The following ROCK1 variants were observed in gnomAD, a reference collection of about 807,000 sequenced individuals.
The protein encoded by ROCK1 is rho-associated protein kinase 1.
Under a neutral mutation model 196.8 loss-of-function variants are expected in ROCK1, and 36 were observed. The observed-to-expected ratio is 0.18, with a 90% CI of 0.14 to 0.24. The LOEUF (loss-of-function observed/expected upper bound fraction) is 0.24, where lower values mean the gene tolerates loss of function less well. ROCK1 is among the 10% of genes least tolerant of loss of function. The pLI is 1.00. For missense variants in ROCK1, 920 were observed against 1,562.0 expected (o/e 0.59, Z 6.93); for synonymous variants, 443 against 515.9 (o/e 0.86, Z 1.91).
chr18:21,075,785 T>A (rs1164588242), intron 1 of ROCK1, among the ~76,000 whole-genome samples: 1 of 151,634 alleles, frequency 6.6e-6, no homozygotes, highest in Non-Finnish European at 1.5e-5. Flanking sequence ...AAACCCCTTC[T>A]TTACTAAAAT....
chr18:21,034,324 G>A (rs1212112697), intron 9 of ROCK1, among the ~76,000 whole-genome samples: 3 of 152,138 alleles, frequency 2.0e-5, no homozygotes, highest in African/African-American at 7.2e-5. Flanking sequence ...GAAATCTCAT[G>A]AGATCCCAAA....
At chr18:21,043,985 A>G (rs563987990) in intron 6 of ROCK1, 117 bp downstream of exon 6, 2 of 619,214 alleles carry the variant, frequency 3.2e-6, no homozygotes, top group African/African-American at 3.7e-5. Context: ...AATTCTGGAC[A>G]AGTCCAGCTA....
At chr18:20,971,607 T>A (rs1406323710) in intron 22 of ROCK1, among the ~76,000 whole-genome samples, 1 of 151,224 alleles carries the variant, frequency 6.6e-6, no homozygotes, top group Non-Finnish European at 1.5e-5. Context: ...TGTGGTGGTG[T>A]GTGCCTGTAA....
chr18:21,011,105 T>C (rs2035813227), intron 13 of ROCK1, among the ~76,000 whole-genome samples: 1 of 152,194 alleles, frequency 6.6e-6, no homozygotes, highest in Non-Finnish European at 1.5e-5. Flanking sequence ...ATGGGGGATT[T>C]AAAAAAATCT....
chr18:20,984,447 T>C lies in ROCK1; in HGVS notation c.2393A>G (p.Asp798Gly). ...NELKTQAFEADNLKGLEKQMK... is the reference protein window; with the variant it reads ...NELKTQAFEAGNLKGLEKQMK... ...CTGCTTTTCTAAACCTTTTAAATTG[T>C]CTGCCTCAAATGCTTGAGTCTTCAA... Residue 798 changes from aspartate (D) to glycine (G), a missense_variant, in exon 20 of 33, where the codon GAC becomes GGC. By Grantham distance (94) the Asp-to-Gly change is moderately conservative. Transcript: ENST00000399799. The C allele has an allele frequency of 6.2e-7, 1 of 1,613,316 alleles. No homozygotes were observed. The highest frequency in any genetic ancestry group is 8.5e-7 in the Non-Finnish European group (1 of 1,179,622).
chr18:20,992,568 G>GT (rs761413550), intron 17 of ROCK1, among the ~76,000 whole-genome samples: 3 of 152,054 alleles, frequency 2.0e-5, no homozygotes, highest in Non-Finnish European at 4.4e-5. Flanking sequence ...TTATAAAAAG[G>GT]TATTTCCAAA....
intron 22 of ROCK1, among the ~76,000 whole-genome samples, chr18:20,976,517 T>C (rs915518849): frequency 2.0e-5 from 3 of 152,184 alleles, no homozygotes; most frequent in South Asian, 2.1e-4. Context: ...TGGCTGGAAC[T>C]GAGAAGGCGA....
chr18:21,105,374 C>T (rs1446049426), intron 1 of ROCK1, among the ~76,000 whole-genome samples: 1 of 152,050 alleles, frequency 6.6e-6, no homozygotes, highest in African/African-American at 2.4e-5. Context: ...TCCAAACTAA[C>T]CAGATATGCA....
intron 3 of ROCK1, 40 bp from the exon 4 acceptor site, chr18:21,049,269 A>G (rs778476065): frequency 6.9e-7 from 1 of 1,450,252 alleles, no homozygotes; most frequent in Non-Finnish European, 9.2e-7. Flanking sequence ...CCTTTTGTTA[A>G]CATTTAAAGC....
In ROCK1 at chr18:20,966,982, T is replaced by C; in HGVS notation, c.3287A>G (p.Asp1096Gly). Reference sequence around the variant, plus strand: ...AGCAACACTTGTAGAATCCGAGAGGTCCAAAAGTTTAGCACGCAATTGCTC... The same window carrying C: ...AGCAACACTTGTAGAATCCGAGAGGCCCAAAAGTTTAGCACGCAATTGCTC... ...DIEQLRAKLL[D>G]LSDSTSVASF... The change falls in exon 27 of 33, where the codon GAC becomes GGC. Residue 1096 changes from aspartate to glycine, a missense_variant. By Grantham distance (94) the Asp-to-Gly change is moderately conservative (BLOSUM62 -1). Transcript: ENST00000399799. The C allele has an allele frequency of 6.2e-7, 1 of 1,613,688 alleles. No individual in the cohort carries two copies. Among genetic ancestry groups the C allele is most frequent in the Non-Finnish European group, 8.5e-7 (1 of 1,179,656 alleles).
At chr18:21,025,459 C>A (rs1471792709) in intron 10 of ROCK1, among the ~76,000 whole-genome samples, 2 of 152,210 alleles carry the variant, frequency 1.3e-5, no homozygotes, top group Admixed American at 1.3e-4. Context: ...GTGGCTCACA[C>A]CTGTAATCCG....
intron 1 of ROCK1, among the ~76,000 whole-genome samples, chr18:21,083,264 T>C (rs1382322123): frequency 1.3e-5 from 2 of 152,168 alleles, no homozygotes; most frequent in Non-Finnish European, 2.9e-5. Context: ...CAAAGTAATA[T>C]ACAGATTAAA....
chr18:21,081,644 A>C (rs2036483665), intron 1 of ROCK1, among the ~76,000 whole-genome samples: 1 of 152,202 alleles, frequency 6.6e-6, no homozygotes, highest in Non-Finnish European at 1.5e-5. Flanking sequence ...AAAAGAGAGA[A>C]GACTCAAATT....
At position 21,049,128 on chromosome 18, in the gene ROCK1, G is replaced by T. The variant is rs1286506533; in HGVS notation, c.378C>A (p.Asp126Glu). Residue 126 changes from aspartate to glutamate, a missense_variant, in exon 4 of 33, where the codon GAC (aspartate) becomes GAA (glutamate). By Grantham distance (45) the Asp-to-Glu change is conservative. Transcript: ENST00000399799. ...SDSAFFWEER[D>E]IMAFANSPWV... ...AAGGACTGTTGGCAAAAGCCATGAT[G>T]TCCCTTTCTTCCCAGAAAAAAGCAG... is the stretch of plus-strand genomic sequence containing the variant. 2.5e-6 allele frequency: 4 copies of T among 1,611,542 alleles called. No individual in the cohort carries two copies. The African/African-American group carries it at 5.3e-5, about 22-fold the overall frequency.
At chr18:20,974,332 C>T (rs2035459342) in intron 22 of ROCK1, among the ~76,000 whole-genome samples, 1 of 152,120 alleles carries the variant, frequency 6.6e-6, no homozygotes, top group Non-Finnish European at 1.5e-5. Flanking sequence ...GATATGCTGC[C>T]AATGCCAAAT....
intron 22 of ROCK1, among the ~76,000 whole-genome samples, chr18:20,971,827 A>G (rs887750798): frequency 3.9e-5 from 6 of 152,126 alleles, no homozygotes; most frequent in African/African-American, 1.4e-4. Flanking sequence ...CACAGAGAAT[A>G]ATACAAGATA....
At chr18:20,990,910 G>A (rs566984096) in intron 18 of ROCK1, among the ~76,000 whole-genome samples, 9 of 151,558 alleles carry the variant, frequency 5.9e-5, no homozygotes, top group East Asian at 2.0e-4. Flanking sequence ...ACAGGCGTGC[G>A]ACACACACCT....
chr18:21,104,036 T>C (rs1315414593), intron 1 of ROCK1, among the ~76,000 whole-genome samples: 2 of 152,222 alleles, frequency 1.3e-5, no homozygotes, highest in Admixed American at 1.3e-4. Context: ...TAAATGGATA[T>C]ACCCCCTTTT....
chr18:20,958,971 TA>T (rs1260694394), intron 29 of ROCK1, among the ~76,000 whole-genome samples: 2 of 91,994 alleles, frequency 2.2e-5, no homozygotes, highest in Non-Finnish European at 4.0e-5. Context: ...ATAATATATA[TA>T]ATATATATAT....
Sources: allele counts gnomAD v4.1 joint callset (sites outside exome capture counted in the v4.1 genomes callset), GRCh38; gene constraint gnomAD v4.1.1; transcripts MANE v1.5; gene names NCBI Gene and HGNC (gene_info 2026-07-23, HGNC 2026-07-21).